SPATA13: variants seen among roughly 807,000 people sequenced by gnomAD.
SPATA13 encodes the protein spermatogenesis-associated protein 13.
A neutral mutation model predicts 104.0 loss-of-function variants in SPATA13; 50 were observed. That is an observed-to-expected ratio of 0.48 (90% CI 0.38 to 0.61). SPATA13 has a LOEUF of 0.61. Ranked by LOEUF, SPATA13 falls within the 20% of genes least tolerant of loss-of-function variation. The pLI, the probability that SPATA13 is intolerant of heterozygous loss-of-function variation, is 0.00. For synonymous variants in SPATA13, 606 were observed against 667.5 expected (o/e 0.91, Z 1.42); for missense variants, 1,524 against 1,690.6 (o/e 0.90, Z 1.73).
chr13:24,259,927 A>G (rs1367295523), intron 4 of SPATA13, among the ~76,000 whole-genome samples: 1 of 152,198 alleles, frequency 6.6e-6, no homozygotes, highest in African/African-American at 2.4e-5. Flanking sequence ...GGTGTGAGCC[A>G]CCACACCCGG....
At chr13:24,207,873 T>A (rs4770627) in intron 1 of SPATA13, among the ~76,000 whole-genome samples, 1 of 151,992 alleles carries the variant, frequency 6.6e-6, no homozygotes, top group Non-Finnish European at 1.5e-5. Flanking sequence ...CCCTGTCACT[T>A]TCTATGGTGT....
At chr13:24,090,422 A>G (rs1326889492) in intron 3 of SPATA13, among the ~76,000 whole-genome samples, 3 of 152,074 alleles carry the variant, frequency 2.0e-5, no homozygotes, top group East Asian at 3.8e-4. Flanking sequence ...CTCAAACACA[A>G]CCATCTAAGG....
chr13:24,173,178 A>G (rs1015881710), intron 1 of SPATA13, among the ~76,000 whole-genome samples: 1 of 152,162 alleles, frequency 6.6e-6, no homozygotes, highest in African/African-American at 2.4e-5. Flanking sequence ...CCCGGGTTCA[A>G]GCGATTCTCC....
intron 3 of SPATA13, among the ~76,000 whole-genome samples, chr13:24,079,475 C>G (rs1879439403): frequency 6.6e-6 from 1 of 152,196 alleles, no homozygotes; most frequent in African/African-American, 2.4e-5. Flanking sequence ...ATTTGAAAGA[C>G]TCTGGCTGAA....
intron 4 of SPATA13, among the ~76,000 whole-genome samples, chr13:24,276,128 A>C (rs757607821): frequency 1.8e-4 from 28 of 152,194 alleles, no homozygotes; most frequent in Non-Finnish European, 2.8e-4. Context: ...AAGTATGCTA[A>C]AGAGTTGTAA....
At chr13:24,036,362 G>A (rs1459272095) in intron 3 of SPATA13, among the ~76,000 whole-genome samples, 1 of 152,202 alleles carries the variant, frequency 6.6e-6, no homozygotes, top group East Asian at 1.9e-4. Flanking sequence ...CATGGCTGAA[G>A]TAGAGGAAGA....
At chr13:24,255,600 G>A (rs1367954253) in intron 4 of SPATA13, among the ~76,000 whole-genome samples, 1 of 152,186 alleles carries the variant, frequency 6.6e-6, no homozygotes, top group Non-Finnish European at 1.5e-5. Context: ...GGTTTGCATT[G>A]CAGTGGAACC....
chr13:24,151,673 G>C (rs897951566), intron 3 of SPATA13, among the ~76,000 whole-genome samples: 1 of 151,954 alleles, frequency 6.6e-6, no homozygotes, highest in Non-Finnish European at 1.5e-5. Context: ...ACCAGCTGTG[G>C]GTACATCACC....
At chr13:24,185,183 T>A (rs976214553) in intron 1 of SPATA13, among the ~76,000 whole-genome samples, 1 of 152,244 alleles carries the variant, frequency 6.6e-6, no homozygotes, top group Non-Finnish European at 1.5e-5. Context: ...ATTTTTGTGC[T>A]GCTGAGTAGA....
chr13:24,264,534 G>A (rs1348813888), intron 4 of SPATA13, among the ~76,000 whole-genome samples: 5 of 152,188 alleles, frequency 3.3e-5, no homozygotes, highest in Non-Finnish European at 5.9e-5. Flanking sequence ...TCAGTTTCCC[G>A]TATGTTTTCT....
At chr13:24,038,721 C>T (rs1270379887) in intron 3 of SPATA13, among the ~76,000 whole-genome samples, 4 of 152,166 alleles carry the variant, frequency 2.6e-5, no homozygotes, top group South Asian at 2.1e-4. Flanking sequence ...CAGAAACAAG[C>T]AGGGGCTGCA....
intron 3 of SPATA13, among the ~76,000 whole-genome samples, chr13:24,049,232 C>G (rs546367885): frequency 2.6e-5 from 4 of 152,340 alleles, no homozygotes. Flanking sequence ...ATTTTAGTCA[C>G]TGATGCCTCG....
At chr13:24,075,659 G>A (rs1879301699) in intron 3 of SPATA13, among the ~76,000 whole-genome samples, 1 of 152,214 alleles carries the variant, frequency 6.6e-6, no homozygotes, top group Admixed American at 6.5e-5. Context: ...TAAAAGTTAA[G>A]TATTTAGTTC....
At position 24,294,683 on chromosome 13, in the gene SPATA13, A is replaced by G. The variant is rs533752612; in HGVS notation, c.3081-56A>G. 2.0e-6 allele frequency: 3 copies of G among 1,529,034 alleles called. No individual in the cohort carries two copies. In the East Asian group the frequency reaches 6.9e-5, roughly 35 times the overall value. 94.7% of individuals were successfully genotyped at this position (1,529,034 alleles called of 1,614,324 possible). ...AAGCGCCCCAGTGGATTATTTTGCC[A>G]GTCCTCATTTGTAAGGTGCATGTTA... On this transcript the variant is annotated intron_variant, in intron 9 of 12. Transcript: ENST00000382108.
chr13:24,279,465 G>C (rs1279757934), intron 4 of SPATA13, among the ~76,000 whole-genome samples: 1 of 152,190 alleles, frequency 6.6e-6, no homozygotes, highest in Non-Finnish European at 1.5e-5. Flanking sequence ...CCGGGGGCAG[G>C]GGTGGCAGCA....
intron 3 of SPATA13, among the ~76,000 whole-genome samples, chr13:24,027,966 A>G (rs1877308642): frequency 6.6e-6 from 1 of 152,262 alleles, no homozygotes; most frequent in South Asian, 2.1e-4. Flanking sequence ...ACTGTGATGA[A>G]ATTGTTTTTG....
At chr13:24,283,700 T>C (rs1875716163) in intron 4 of SPATA13, among the ~76,000 whole-genome samples, 2 of 152,258 alleles carry the variant, frequency 1.3e-5, no homozygotes. Flanking sequence ...TGTTGGGATG[T>C]ACTGGTTTTA....
At chr13:24,112,105 C>T (rs991345293) in intron 3 of SPATA13, among the ~76,000 whole-genome samples, 1 of 152,234 alleles carries the variant, frequency 6.6e-6, no homozygotes, top group African/African-American at 2.4e-5. Context: ...CCACAGGACA[C>T]TCTCTAGGCT....
At chr13:24,290,331 C>T (rs765233061) in intron 8 of SPATA13, among the ~76,000 whole-genome samples, 2 of 152,130 alleles carry the variant, frequency 1.3e-5, no homozygotes, top group African/African-American at 2.4e-5. Flanking sequence ...GGGAGGGGGA[C>T]GTTAGAGGCC....
Sources: gnomAD v4.1 joint callset for allele counts (sites outside exome capture counted in the v4.1 genomes callset) on GRCh38, gnomAD v4.1.1 for gene constraint, MANE v1.5 for transcripts, NCBI Gene and HGNC (gene_info 2026-07-23, HGNC 2026-07-21) for gene names.